Variants in FAT3 observed in about 807,000 individuals in gnomAD.
The protein encoded by FAT3 is protocadherin Fat 3.
In FAT3, 95 loss-of-function variants were observed where a neutral mutation model predicts 310.2. The ratio of observed to expected loss-of-function variants is 0.31; its 90% CI spans 0.26 to 0.36. FAT3 has a LOEUF of 0.36. FAT3 is among the 10% of genes least tolerant of loss of function. FAT3 has a pLI of 1.00. For synonymous variants in FAT3, 2,314 were observed against 2,192.9 expected, an observed-to-expected ratio of 1.06 and a Z score of -1.54; for missense variants, 5,408 against 5,715.6, an observed-to-expected ratio of 0.95 and a Z score of 1.74.
chr11:92,857,420 C>G (rs543267637), intron 20 of FAT3, 72 bp downstream of exon 20: 26 of 1,580,136 alleles, frequency 1.6e-5, no homozygotes, highest in Non-Finnish European at 2.1e-5. Flanking sequence ...GTAAATTACA[C>G]CATCCAAGTC....
chr11:92,864,072 G>A (rs758367798), intron 21 of FAT3, among the ~76,000 whole-genome samples: 12 of 152,128 alleles, frequency 7.9e-5, no homozygotes, highest in East Asian at 5.8e-4. Context: ...AAGCTTAACC[G>A]TGCCGTGTTA....
chr11:92,547,625 C>A (rs920195779), intron 3 of FAT3, among the ~76,000 whole-genome samples: 1 of 152,050 alleles, frequency 6.6e-6, no homozygotes, highest in African/African-American at 2.4e-5. Flanking sequence ...CCTGCTTCTG[C>A]CCTCTCCCCT....
chr11:92,573,852 A>T (rs76352828), intron 3 of FAT3, among the ~76,000 whole-genome samples: 2 of 152,214 alleles, frequency 1.3e-5, no homozygotes, highest in East Asian at 1.9e-4. Context: ...AAAAAAATGT[A>T]TGTTGTTTTA....
chr11:92,810,069 C>T lies in FAT3; in HGVS notation c.9474C>T (p.Pro3158=), dbSNP rs760252299. The T allele has an allele frequency of 3.1e-6, 5 of 1,613,350 alleles. No individual in the cohort carries two copies. Among genetic ancestry groups the T allele is most frequent in the South Asian group, 2.2e-5 (2 of 90,884 alleles). The part of the protein sequence containing the change: ...ALLTRVQAVD[P]DIGINRKVVY... Reference sequence around the variant, plus strand: ...TGACCAGAGTTCAAGCCGTGGACCCCGACATTGGTAAGTCAGTTGCAGGCA... The same window carrying T: ...TGACCAGAGTTCAAGCCGTGGACCCTGACATTGGTAAGTCAGTTGCAGGCA... The change falls in exon 13 of 28, where the codon CCC becomes CCT. Residue 3158 remains proline, a synonymous_variant. Transcript: ENST00000525166.
chr11:92,237,922 G>C (rs746202693), intron 1 of FAT3, among the ~76,000 whole-genome samples: 5 of 152,040 alleles, frequency 3.3e-5, no homozygotes, highest in Admixed American at 1.3e-4. Context: ...AAATAGCTAT[G>C]ATTTATTGAG....
At chr11:92,597,743 G>T (rs1020663384) in intron 3 of FAT3, among the ~76,000 whole-genome samples, 4 of 152,152 alleles carry the variant, frequency 2.6e-5, no homozygotes, top group African/African-American at 9.7e-5. Flanking sequence ...TTATAACTAA[G>T]TTCAACATCC....
At chr11:92,255,341 TA>T (rs201587803) in intron 1 of FAT3, among the ~76,000 whole-genome samples, 329 of 144,312 alleles carry the variant, frequency 2.3e-3, no homozygotes, top group African/African-American at 2.9e-3. Context: ...GGTTTTTTTT[TA>T]AAAAAAAAAA....
At chr11:92,754,893 A>G (rs566909486) in intron 4 of FAT3, among the ~76,000 whole-genome samples, 1 of 152,030 alleles carries the variant, frequency 6.6e-6, no homozygotes, top group Admixed American at 6.6e-5. Flanking sequence ...ATAAAGAAGG[A>G]AATCCTGTCA....
At chr11:92,505,587 A>G (rs1242274679) in intron 2 of FAT3, among the ~76,000 whole-genome samples, 1 of 151,964 alleles carries the variant, frequency 6.6e-6, no homozygotes, top group Non-Finnish European at 1.5e-5. Context: ...GGGAGCTTAC[A>G]TTTTCTTATA....
chr11:92,616,999 A>AT (rs1305583438), intron 3 of FAT3, among the ~76,000 whole-genome samples: 1 of 152,090 alleles, frequency 6.6e-6, no homozygotes, highest in Admixed American at 6.6e-5. Flanking sequence ...CATTCTCTGT[A>AT]TTTCCTGAAT....
intron 3 of FAT3, among the ~76,000 whole-genome samples, chr11:92,635,261 CCTA>C (rs1481416213): frequency 6.6e-6 from 1 of 151,984 alleles, no homozygotes; most frequent in Non-Finnish European, 1.5e-5. Context: ...ATCACTCTGA[CCTA>C]CTCTCCTACA....
At chr11:92,544,456 A>T (rs1954553161) in intron 3 of FAT3, among the ~76,000 whole-genome samples, 1 of 152,198 alleles carries the variant, frequency 6.6e-6, no homozygotes, top group Admixed American at 6.5e-5. Flanking sequence ...GCTTCAAATT[A>T]TCTCATGTAC....
chr11:92,763,073 C>A (rs4753067), intron 5 of FAT3, among the ~76,000 whole-genome samples: 111,325 of 151,506 alleles, frequency 0.73, 42,488 homozygotes, highest in Non-Finnish European at 0.83. Context: ...GCAGGAGAAA[C>A]GCTTGAACCC....
chr11:92,716,077 G>T (rs1046338598), intron 4 of FAT3, among the ~76,000 whole-genome samples: 8 of 152,218 alleles, frequency 5.3e-5, no homozygotes, highest in Admixed American at 6.5e-5. Flanking sequence ...TTTGGAGTTA[G>T]AAGGAGTCTG....
intron 1 of FAT3, among the ~76,000 whole-genome samples, chr11:92,271,366 T>G (rs1008702297): frequency 1.2e-4 from 18 of 152,172 alleles, no homozygotes; most frequent in African/African-American, 3.9e-4. Flanking sequence ...TTCCCTCTGC[T>G]GCTTTCTGTC....
Position 92,284,994 on chromosome 11 carries a change from C to A in FAT3, c.-18+59820C>A, listed in dbSNP as rs530355642. ...CATAGCTCATGGGTGATAGAATTTT[C>A]TATTAGGAAAATGACATTATAGGTA... is the stretch of plus-strand genomic sequence containing the variant. On this transcript the variant is annotated intron_variant, in intron 1 of 27. Coordinates refer to ENST00000525166, the MANE Select transcript of FAT3 (RefSeq NM_001367949.2). Among the ~76,000 whole-genome samples, 18 of 152,198 alleles carry A rather than the reference C, an allele frequency of 1.2e-4. No individual in the cohort carries two copies. The South Asian group carries it at 3.7e-3, about 32-fold the overall frequency.
chr11:92,515,207 C>A (rs1476033129), intron 2 of FAT3, among the ~76,000 whole-genome samples: 1 of 152,004 alleles, frequency 6.6e-6, no homozygotes, highest in Non-Finnish European at 1.5e-5. Flanking sequence ...TGGAAGGAGA[C>A]CCCTTTCTGG....
intron 21 of FAT3, among the ~76,000 whole-genome samples, chr11:92,862,959 G>A (rs1313320894): frequency 6.6e-6 from 1 of 152,170 alleles, no homozygotes; most frequent in South Asian, 2.1e-4. Flanking sequence ...CAAGTTGGGA[G>A]TTAGATATCT....
intron 3 of FAT3, among the ~76,000 whole-genome samples, chr11:92,692,023 A>G (rs1282456474): frequency 6.6e-6 from 1 of 152,136 alleles, no homozygotes; most frequent in Admixed American, 6.6e-5. Context: ...TTTCTCCCTA[A>G]ATTAGGTAGA....
Sources: gnomAD v4.1 joint callset for allele counts (sites outside exome capture counted in the v4.1 genomes callset) on GRCh38, gnomAD v4.1.1 for gene constraint, MANE v1.5 for transcripts, NCBI Gene and HGNC (gene_info 2026-07-23, HGNC 2026-07-21) for gene names.